Variants in SPATS2 observed in about 807,000 individuals in gnomAD.
SPATS2 encodes spermatogenesis associated serine rich 2.
SPATS2 carries 38 observed loss-of-function variants against 63.7 expected under a neutral mutation model. The ratio of observed to expected loss-of-function variants is 0.60; its 90% CI spans 0.46 to 0.78. The LOEUF (loss-of-function observed/expected upper bound fraction) is 0.78, where lower values mean the gene tolerates loss of function less well. Ranked by LOEUF, SPATS2 falls within the 30% of genes least tolerant of loss-of-function variation. The pLI is 0.00. For missense variants in SPATS2, 588 were observed against 666.2 expected (o/e 0.88, Z 1.29); for synonymous variants, 207 against 232.9 (o/e 0.89, Z 1.01).
intron 2 of SPATS2, among the ~76,000 whole-genome samples, chr12:49,384,268 T>C (rs1434683156): frequency 1.3e-5 from 2 of 152,250 alleles, no homozygotes; most frequent in African/African-American, 4.8e-5. Context: ...CCTGGCTACA[T>C]TCTGGATATT....
At chr12:49,404,740 G>C (rs545677349) in intron 2 of SPATS2, among the ~76,000 whole-genome samples, 6 of 152,292 alleles carry the variant, frequency 3.9e-5, no homozygotes, top group African/African-American at 1.2e-4. Context: ...AGAGTCATCT[G>C]TTCTGATCAC....
intron 2 of SPATS2, among the ~76,000 whole-genome samples, chr12:49,435,328 CCTT>C (rs1945256588): frequency 6.7e-6 from 1 of 150,274 alleles, no homozygotes; most frequent in Non-Finnish European, 1.5e-5. Context: ...CTGTGCCTGG[CCTT>C]TTTTTTTTTT....
intron 12 of SPATS2, 52 bp from the exon 13 acceptor site, chr12:49,524,630 C>G (rs913472570): frequency 1.3e-6 from 2 of 1,558,556 alleles, no homozygotes; most frequent in African/African-American, 2.7e-5. Context: ...GAAACCTTAT[C>G]CATTGTGCTG....
intron 4 of SPATS2, among the ~76,000 whole-genome samples, chr12:49,487,252 C>T (rs1156882745): frequency 6.6e-6 from 1 of 152,054 alleles, no homozygotes; most frequent in Non-Finnish European, 1.5e-5. Flanking sequence ...TTTGGGAGGC[C>T]GAGGCAGGCA....
Position 49,495,119 on chromosome 12 carries a change from T to G in SPATS2, c.526+117T>G, listed in dbSNP as rs1393323414. 7 of 1,099,654 alleles carry G rather than the reference T, an allele frequency of 6.4e-6. No individual in the cohort carries two copies. In the African/African-American group the frequency reaches 9.8e-5, roughly 15 times the overall value. 68.1% of individuals were successfully genotyped at this position (1,099,654 alleles called of 1,614,324 possible). A position where few individuals can be genotyped will look rare whatever the true frequency, so the allele number is the denominator to read the frequency against. On this transcript the variant is annotated intron_variant, in intron 7 of 13. Transcript: ENST00000552918. ...CTTTTTTTATCCAGTGCTTGCTGAT[T>G]AGTCTTTTTACTTTTTAGTTTTTGT...
chr12:49,464,083 A>T (rs574442117), intron 3 of SPATS2, among the ~76,000 whole-genome samples: 14 of 152,348 alleles, frequency 9.2e-5, no homozygotes, highest in African/African-American at 3.4e-4. Flanking sequence ...GTGTGGCAAC[A>T]TCTAAGCCCT....
chr12:49,447,908 A>G (rs1945544369), intron 2 of SPATS2, among the ~76,000 whole-genome samples: 1 of 151,572 alleles, frequency 6.6e-6, no homozygotes, highest in Non-Finnish European at 1.5e-5. Flanking sequence ...TTTTGGTTTT[A>G]TTGCTTTTCT....
At chr12:49,449,815 C>T (rs1357594969) in intron 2 of SPATS2, among the ~76,000 whole-genome samples, 1 of 152,176 alleles carries the variant, frequency 6.6e-6, no homozygotes, top group East Asian at 1.9e-4. Flanking sequence ...CACCTGTCCC[C>T]ACCCTTGACA....
chr12:49,514,722 A>G (rs2138046436), intron 10 of SPATS2, 109 bp downstream of exon 10: 1 of 945,662 alleles, frequency 1.1e-6, no homozygotes, highest in South Asian at 1.7e-5. Flanking sequence ...AAGAGTTTAT[A>G]TATTTAAATA....
At chr12:49,456,735 G>A (rs1272544739) in intron 2 of SPATS2, among the ~76,000 whole-genome samples, 1 of 152,178 alleles carries the variant, frequency 6.6e-6, no homozygotes, top group Admixed American at 6.6e-5. Context: ...ATGGATTGGA[G>A]GTGGTGGGGA....
intron 9 of SPATS2, among the ~76,000 whole-genome samples, chr12:49,501,903 G>C (rs1946573281): frequency 6.6e-6 from 1 of 152,180 alleles, no homozygotes; most frequent in South Asian, 2.1e-4. Context: ...ACAGGAGTGA[G>C]CCACCGTGCC....
chr12:49,448,677 C>T (rs1387368388), intron 2 of SPATS2, among the ~76,000 whole-genome samples: 8 of 147,306 alleles, frequency 5.4e-5, no homozygotes, highest in African/African-American at 1.0e-4. Flanking sequence ...ATTGTGCTGC[C>T]GCACTCCACC....
At chr12:49,417,471 T>C (rs77411491) in intron 2 of SPATS2, among the ~76,000 whole-genome samples, 2,567 of 152,326 alleles carry the variant, frequency 0.017, 62 homozygotes, top group African/African-American at 0.058. Flanking sequence ...TAGGGCACTG[T>C]CTGTAGAACT....
intron 12 of SPATS2, among the ~76,000 whole-genome samples, chr12:49,523,783 C>G (rs551363792): frequency 1.3e-5 from 2 of 152,022 alleles, no homozygotes; most frequent in African/African-American, 4.8e-5. Flanking sequence ...AACCCCATCT[C>G]TACTAAAAAA....
intron 2 of SPATS2, among the ~76,000 whole-genome samples, chr12:49,403,747 G>A (rs1345650801): frequency 6.6e-6 from 1 of 152,052 alleles, no homozygotes; most frequent in Non-Finnish European, 1.5e-5. Flanking sequence ...CTGGGGAAAT[G>A]ACAGCAAGAT....
intron 11 of SPATS2, among the ~76,000 whole-genome samples, chr12:49,520,632 G>A (rs1439776017): frequency 6.6e-6 from 1 of 152,012 alleles, no homozygotes; most frequent in Non-Finnish European, 1.5e-5. Flanking sequence ...ATAGTTGGTT[G>A]ACCAATTCTG....
chr12:49,520,780 G>A (rs1423641890), intron 11 of SPATS2, among the ~76,000 whole-genome samples: 2 of 150,466 alleles, frequency 1.3e-5, no homozygotes, highest in African/African-American at 4.9e-5. Context: ...GTGCAGTGGC[G>A]CTGTCGCCAC....
chr12:49,373,528 T>A (rs1944038423), intron 2 of SPATS2, among the ~76,000 whole-genome samples: 1 of 152,078 alleles, frequency 6.6e-6, no homozygotes, highest in South Asian at 2.1e-4. Flanking sequence ...GGAGGCCACT[T>A]TGACCTCAGT....
At chr12:49,373,605 A>AAT (rs201659432) in intron 2 of SPATS2, among the ~76,000 whole-genome samples, 1 of 124,040 alleles carries the variant, frequency 8.1e-6, no homozygotes, top group Non-Finnish European at 1.6e-5. Flanking sequence ...CAGCTTGGGC[A>AAT]ACAGCGAGAC....
Sources: allele counts gnomAD v4.1 joint callset (sites outside exome capture counted in the v4.1 genomes callset), GRCh38; gene constraint gnomAD v4.1.1; transcripts MANE v1.5; gene names NCBI Gene and HGNC (gene_info 2026-07-23, HGNC 2026-07-21).